FAM107B: variants seen among roughly 807,000 people sequenced by gnomAD.
FAM107B encodes the protein protein FAM107B.
Under a neutral mutation model 31.5 loss-of-function variants are expected in FAM107B, and 21 were observed. The ratio of observed to expected loss-of-function variants is 0.67; its 90% confidence interval spans 0.47 to 0.96. The LOEUF is 0.96. Among genes scored for constraint, FAM107B ranks in the 40% least tolerant of loss-of-function variants. FAM107B has a pLI of 0.00. For missense variants in FAM107B, 452 were observed against 377.1 expected (o/e 1.20, Z -1.64); for synonymous variants, 157 against 141.5 (o/e 1.11, Z -0.78).
chr10:14,772,358 A>ATATATAT (rs1328660644), intron 1 of FAM107B, among the ~76,000 whole-genome samples: 1 of 138,092 alleles, frequency 7.2e-6, no homozygotes, highest in African/African-American at 3.5e-5. Flanking sequence ...CATCTTAAAA[A>ATATATAT]AAAAATATAT....
chr10:14,692,986 C>A (rs777417707), intron 1 of FAM107B, among the ~76,000 whole-genome samples: 1 of 152,156 alleles, frequency 6.6e-6, no homozygotes, highest in Non-Finnish European at 1.5e-5. Flanking sequence ...ATGCAAAAAT[C>A]GCAGTGATGC....
At chr10:14,734,915 G>A (rs1361672783) in intron 1 of FAM107B, among the ~76,000 whole-genome samples, 1 of 152,084 alleles carries the variant, frequency 6.6e-6, no homozygotes, top group Non-Finnish European at 1.5e-5. Flanking sequence ...AAAACAAATT[G>A]ATATACGCAA....
intron 2 of FAM107B, among the ~76,000 whole-genome samples, chr10:14,549,867 G>T (rs1190464031): frequency 6.6e-6 from 1 of 152,118 alleles, no homozygotes; most frequent in Non-Finnish European, 1.5e-5. Context: ...GAAAATGACC[G>T]CATCCTGCAA....
chr10:14,657,313 G>A (rs191561494), intron 2 of FAM107B, among the ~76,000 whole-genome samples: 105 of 152,238 alleles, frequency 6.9e-4, no homozygotes, highest in African/African-American at 2.1e-3. Flanking sequence ...TAACAGATTC[G>A]GCCTAGGAGG....
chr10:14,681,131 C>T (rs1346400544), intron 1 of FAM107B, among the ~76,000 whole-genome samples: 4 of 152,172 alleles, frequency 2.6e-5, no homozygotes, highest in South Asian at 2.1e-4. Flanking sequence ...GAGTGGTTCA[C>T]GTGCTTGCAA....
chr10:14,768,448 A>T (rs557913627), intron 1 of FAM107B, among the ~76,000 whole-genome samples: 6 of 152,332 alleles, frequency 3.9e-5, no homozygotes, highest in African/African-American at 1.2e-4. Flanking sequence ...ACAGACATAT[A>T]TACCAATGGA....
intron 1 of FAM107B, among the ~76,000 whole-genome samples, chr10:14,759,384 C>T (rs959902748): frequency 1.2e-4 from 19 of 152,242 alleles, no homozygotes; most frequent in African/African-American, 4.6e-4. Flanking sequence ...ATTCTGGCCC[C>T]TTCTCTGCCA....
chr10:14,558,126 C>A (rs1012833736), intron 2 of FAM107B, among the ~76,000 whole-genome samples: 2 of 152,256 alleles, frequency 1.3e-5, no homozygotes. Context: ...ATTAAATGCA[C>A]CGCCAGACTT....
At chr10:14,705,250 T>G (rs1456032059) in intron 1 of FAM107B, among the ~76,000 whole-genome samples, 1 of 152,108 alleles carries the variant, frequency 6.6e-6, no homozygotes, top group Non-Finnish European at 1.5e-5. Flanking sequence ...CTGGAACCCT[T>G]GTACACTGCT....
intron 1 of FAM107B, among the ~76,000 whole-genome samples, chr10:14,730,908 G>C (rs1856157890): frequency 2.6e-5 from 4 of 152,080 alleles, no homozygotes; most frequent in Admixed American, 2.0e-4. Context: ...AGATTTTAGA[G>C]ATGCAGGGGG....
intron 1 of FAM107B, among the ~76,000 whole-genome samples, chr10:14,732,770 T>C (rs1269576463): frequency 6.7e-6 from 1 of 148,242 alleles, no homozygotes; most frequent in African/African-American, 2.5e-5. Context: ...ACATATAACA[T>C]AATATATTCT....
chr10:14,670,729 G>GACTT (rs994322958), intron 1 of FAM107B, among the ~76,000 whole-genome samples: 5 of 152,124 alleles, frequency 3.3e-5, no homozygotes, highest in African/African-American at 1.2e-4. Context: ...GTTTCCCTTT[G>GACTT]ACTAGTAAGA....
At chr10:14,693,292 A>T (rs1855187691) in intron 1 of FAM107B, among the ~76,000 whole-genome samples, 1 of 152,182 alleles carries the variant, frequency 6.6e-6, no homozygotes, top group African/African-American at 2.4e-5. Flanking sequence ...CCTGGCCAAC[A>T]TGGGGAAACC....
chr10:14,682,538 T>C (rs1439384404), intron 1 of FAM107B, among the ~76,000 whole-genome samples: 1 of 151,862 alleles, frequency 6.6e-6, no homozygotes, highest in Non-Finnish European at 1.5e-5. Flanking sequence ...CAAAAATAAA[T>C]AAATAAATAA....
intron 1 of FAM107B, 128 bp downstream of exon 1, chr10:14,774,125 A>T: frequency 8.7e-7 from 1 of 1,143,542 alleles, no homozygotes; most frequent in South Asian, 1.6e-5. Context: ...TCTTCGCACT[A>T]GTGAGAACGC....
chr10:14,702,322 G>A (rs1855417509), intron 1 of FAM107B, among the ~76,000 whole-genome samples: 1 of 152,114 alleles, frequency 6.6e-6, no homozygotes, highest in Non-Finnish European at 1.5e-5. Context: ...TAAAGTTTTT[G>A]ATTCAATATT....
rs545127293 is a variant in FAM107B, at chr10:14,723,565, T to C, written c.411+50688A>G. The C allele has an allele frequency of 2.1e-5, 14 of 656,522 alleles. No individual in the cohort carries two copies. The African/African-American group carries it at 2.5e-4, about 12-fold the overall frequency. The allele number at this position is 656,522 out of a possible 1,614,324, so 40.7% of individuals were successfully genotyped here. On this transcript the variant is annotated intron_variant, in intron 1 of 4. Transcript: ENST00000181796. ...ACCCACTGTGTGAGCTCCCTTACTG[T>C]TGCATGGAAAGGCTATGTCCACATA...
At position 14,519,570 on chromosome 10, in the gene FAM107B, C is replaced by A. The variant is rs1377475317; in HGVS notation, c.*1620G>T. 6.6e-6 allele frequency: 1 copy of A among 152,148 alleles called. No homozygotes were observed. Among genetic ancestry groups the A allele is most frequent in the Non-Finnish European group, 1.5e-5 (1 of 68,020 alleles). 9.4% of individuals were successfully genotyped at this position (152,148 alleles called of 1,614,324 possible). On this transcript the variant is annotated 3_prime_UTR_variant, in exon 5 of 5. Transcript: ENST00000181796. ...AATACTTGCTGATGAGATAAATAAT[C>A]CATTTCAGGTATAATCAACTAACAT...
chr10:14,690,931 TGTTGATTG>T (rs113119470), intron 1 of FAM107B, among the ~76,000 whole-genome samples: 30 of 123,328 alleles, frequency 2.4e-4, no homozygotes, highest in African/African-American at 9.8e-4. Flanking sequence ...CATGGGCATT[TGTTGATTG>T]ATTGATTGAT....
Sources: allele counts gnomAD v4.1 joint callset (sites outside exome capture counted in the v4.1 genomes callset), GRCh38; gene constraint gnomAD v4.1.1; transcripts MANE v1.5; gene names NCBI Gene and HGNC (gene_info 2026-07-23, HGNC 2026-07-21).